SLC25A26: variants seen among roughly 807,000 people sequenced by gnomAD.
SLC25A26 encodes mitochondrial S-adenosylmethionine carrier protein.
A neutral mutation model predicts 37.8 loss-of-function variants in SLC25A26; 36 were observed. The observed-to-expected ratio is 0.95, with a 90% CI of 0.73 to 1.26. The LOEUF (loss-of-function observed/expected upper bound fraction) is 1.26. Among genes scored for constraint, SLC25A26 ranks in the 50% most tolerant of loss-of-function variants. The probability of loss-of-function intolerance (pLI) is 0.00; values close to 1 mark genes in which losing one functional copy is unlikely to be tolerated. For missense variants in SLC25A26, 390 were observed against 331.1 expected (o/e 1.18, Z -1.38); for synonymous variants, 129 against 122.5 (o/e 1.05, Z -0.35).
At chr3:66,281,996 ATTTTTTTTTT>A (rs71105977) in intron 5 of SLC25A26, among the ~76,000 whole-genome samples, 6,821 of 64,570 alleles carry the variant, frequency 0.11, 288 homozygotes, top group Admixed American at 0.13. Context: ...CTGATTTTGC[ATTTTTTTTTT>A]TTTTTTTTTT....
At chr3:66,359,346 TTGACTACAA>T in intron 6 of SLC25A26, among the ~76,000 whole-genome samples, 1 of 152,218 alleles carries the variant, frequency 6.6e-6, no homozygotes, top group Non-Finnish European at 1.5e-5. Flanking sequence ...TTTTCTTTTC[TTGACTACAA>T]TACCTGACAC....
intron 1 of SLC25A26, among the ~76,000 whole-genome samples, chr3:66,183,453 C>T (rs953043911): frequency 1.3e-5 from 2 of 151,974 alleles, no homozygotes; most frequent in African/African-American, 2.4e-5. Flanking sequence ...TGACTCTCAC[C>T]GTGTCCCCGA....
At chr3:66,275,905 G>C (rs578163597) in intron 5 of SLC25A26, among the ~76,000 whole-genome samples, 1 of 152,116 alleles carries the variant, frequency 6.6e-6, no homozygotes, top group East Asian at 1.9e-4. Flanking sequence ...TACCGTGTGG[G>C]TCAAGAATTA....
intron 1 of SLC25A26, among the ~76,000 whole-genome samples, chr3:66,208,798 A>C (rs2071219192): frequency 1.0e-5 from 1 of 98,338 alleles, no homozygotes; most frequent in East Asian, 3.0e-4. Flanking sequence ...ATATATACAC[A>C]CCTTTACATG....
intron 1 of SLC25A26, among the ~76,000 whole-genome samples, chr3:66,168,078 G>A (rs894165129): frequency 7.3e-5 from 11 of 151,544 alleles, no homozygotes; most frequent in East Asian, 3.9e-4. Flanking sequence ...GCTTGAACCC[G>A]GGAGAGAGAG....
chr3:66,331,958 GT>G (rs1431096309), intron 5 of SLC25A26, among the ~76,000 whole-genome samples: 3 of 152,036 alleles, frequency 2.0e-5, no homozygotes, highest in African/African-American at 7.3e-5. Context: ...TTGAGACAGA[GT>G]CTCGCTGTGT....
intron 1 of SLC25A26, among the ~76,000 whole-genome samples, chr3:66,235,533 A>G (rs2072235581): frequency 6.6e-6 from 1 of 152,242 alleles, no homozygotes; most frequent in African/African-American, 2.4e-5. Context: ...AGCAAAGAGA[A>G]TACTGTATGA....
rs1309490705 is a variant in SLC25A26, at chr3:66,300,251, G to GTTT, written c.453+36874_453+36876dup. Among the ~76,000 whole-genome samples the GTTT allele has an allele frequency of 7.0e-3, 780 of 111,428 alleles. 17 individuals carry two copies. The highest frequency in any genetic ancestry group is 9.9e-3 in the Non-Finnish European group (513 of 51,842). The allele number at this position is 111,428 out of a possible 152,430, so 73.1% of individuals were successfully genotyped here. Reference sequence around the variant, plus strand: ...TGGACTTCTAGGCTAGGGTTTTTTTGTTTTGTTTTTTTTTTTTTTTTTGGT... The same window carrying GTTT: ...TGGACTTCTAGGCTAGGGTTTTTTTGTTTTTTTGTTTTTTTTTTTTTTTTTGGT... On this transcript the variant is annotated intron_variant, in intron 5 of 9. Transcript: ENST00000354883.
chr3:66,284,300 G>A (rs887930526), intron 5 of SLC25A26, among the ~76,000 whole-genome samples: 1 of 152,224 alleles, frequency 6.6e-6, no homozygotes, highest in Non-Finnish European at 1.5e-5. Flanking sequence ...AATGAGCTTA[G>A]ATTATGCCAC....
At chr3:66,339,447 C>G (rs992200967) in intron 5 of SLC25A26, among the ~76,000 whole-genome samples, 1 of 151,906 alleles carries the variant, frequency 6.6e-6, no homozygotes, top group African/African-American at 2.4e-5. Context: ...TGAAGAAGAG[C>G]CATACTGTTT....
chr3:66,366,620 G>A (rs2076829485), intron 7 of SLC25A26, among the ~76,000 whole-genome samples: 1 of 152,166 alleles, frequency 6.6e-6, no homozygotes, highest in African/African-American at 2.4e-5. Flanking sequence ...CTAAAGGAAT[G>A]GTAAATCTTT....
intron 5 of SLC25A26, among the ~76,000 whole-genome samples, chr3:66,342,733 A>G (rs1430942391): frequency 2.0e-5 from 3 of 152,234 alleles, no homozygotes; most frequent in African/African-American, 7.2e-5. Flanking sequence ...TTCACCTCGA[A>G]TCCTCACATG....
At chr3:66,208,274 A>G (rs1317281895) in intron 1 of SLC25A26, among the ~76,000 whole-genome samples, 1 of 152,138 alleles carries the variant, frequency 6.6e-6, no homozygotes, top group African/African-American at 2.4e-5. Flanking sequence ...CTCTTGTGAA[A>G]TGGCCAATTT....
intron 5 of SLC25A26, chr3:66,304,593 A>G (rs764630659): frequency 1.8e-5 from 7 of 395,920 alleles, no homozygotes; most frequent in African/African-American, 1.0e-4. Context: ...TATACGCTAC[A>G]TGGTTCACTG....
At chr3:66,270,168 G>A (rs1252576422) in intron 5 of SLC25A26, among the ~76,000 whole-genome samples, 1 of 152,090 alleles carries the variant, frequency 6.6e-6, no homozygotes, top group African/African-American at 2.4e-5. Context: ...ATACCAAAGC[G>A]TATATACTTT....
At chr3:66,254,066 A>G (rs1280679955) in intron 3 of SLC25A26, among the ~76,000 whole-genome samples, 1 of 152,198 alleles carries the variant, frequency 6.6e-6, no homozygotes, top group African/African-American at 2.4e-5. Context: ...CAACGATTGA[A>G]CTTATTTGCG....
intron 5 of SLC25A26, among the ~76,000 whole-genome samples, chr3:66,323,593 C>G (rs1339561961): frequency 6.6e-6 from 1 of 152,050 alleles, no homozygotes; most frequent in Non-Finnish European, 1.5e-5. Flanking sequence ...ATTGGTTGAG[C>G]CTTAGGAGTT....
At chr3:66,368,333 C>G (rs1402782426) in intron 7 of SLC25A26, among the ~76,000 whole-genome samples, 2 of 152,122 alleles carry the variant, frequency 1.3e-5, no homozygotes, top group Admixed American at 1.3e-4. Context: ...TAGAATATAT[C>G]TTTGTACTGC....
chr3:66,283,853 A>G lies in SLC25A26; in HGVS notation c.453+20474A>G, dbSNP rs765174675. Among the ~76,000 whole-genome samples the G allele has an allele frequency of 4.6e-5, 7 of 152,228 alleles. No homozygotes were observed. In the South Asian group the frequency reaches 6.2e-4, roughly 13 times the overall value. On this transcript the variant is annotated intron_variant, in intron 5 of 9. Transcript: ENST00000354883. Reference sequence around the variant, plus strand: ...CTAAGTTTAGAATATTGAGACTTCTATCTCTTGAACATGGTATCTCCATTT... The same window carrying G: ...CTAAGTTTAGAATATTGAGACTTCTGTCTCTTGAACATGGTATCTCCATTT...
Sources: allele counts gnomAD v4.1 joint callset (sites outside exome capture counted in the v4.1 genomes callset), GRCh38; gene constraint gnomAD v4.1.1; transcripts MANE v1.5; gene names NCBI Gene and HGNC (gene_info 2026-07-23, HGNC 2026-07-21).